Variants in TAOK1 observed in about 807,000 individuals in gnomAD.
TAOK1 encodes TAO kinase 1.
A neutral mutation model predicts 138.3 loss-of-function variants in TAOK1; 21 were observed. The ratio of observed to expected loss-of-function variants is 0.15; its 90% confidence interval spans 0.11 to 0.22. The LOEUF (loss-of-function observed/expected upper bound fraction) is 0.22, where lower values mean the gene tolerates loss of function less well. Ranked by LOEUF, TAOK1 falls within the 10% of genes least tolerant of loss-of-function variation. The pLI is 1.00. For synonymous variants in TAOK1, 361 were observed against 398.4 expected (o/e 0.91, Z 1.12); for missense variants, 651 against 1,227.7 (o/e 0.53, Z 7.02).
At chr17:29,459,655 A>G (rs2153024998) in intron 2 of TAOK1, among the ~76,000 whole-genome samples, 1 of 152,266 alleles carries the variant, frequency 6.6e-6, no homozygotes. Flanking sequence ...CTGTTGGTGG[A>G]CACTTACATT....
At chr17:29,397,607 C>CCCCAA (rs60665025) in intron 1 of TAOK1, among the ~76,000 whole-genome samples, 17,294 of 94,286 alleles carry the variant, frequency 0.18, 2,844 homozygotes, top group East Asian at 0.57. Context: ...CGTCCCCCCC[C>CCCCAA]AAAAAAATAT....
At chr17:29,542,124 G>T (rs1044913509) in intron 19 of TAOK1, among the ~76,000 whole-genome samples, 1 of 152,096 alleles carries the variant, frequency 6.6e-6, no homozygotes, top group African/African-American at 2.4e-5. Context: ...TGATCCGCCC[G>T]CATCAGCCTC....
intron 17 of TAOK1, among the ~76,000 whole-genome samples, chr17:29,528,453 G>T (rs2032047887): frequency 6.6e-6 from 1 of 152,138 alleles, no homozygotes; most frequent in Admixed American, 6.6e-5. Context: ...AAAGACCATT[G>T]TAATAACAAT....
At chr17:29,452,141 A>G (rs1001474762) in intron 2 of TAOK1, among the ~76,000 whole-genome samples, 1 of 152,152 alleles carries the variant, frequency 6.6e-6, no homozygotes, top group Non-Finnish European at 1.5e-5. Context: ...ACCTGAGCCC[A>G]AGAGGCAGAG....
chr17:29,529,171 A>C (rs1427199819), intron 17 of TAOK1, among the ~76,000 whole-genome samples: 1 of 152,106 alleles, frequency 6.6e-6, no homozygotes, highest in East Asian at 1.9e-4. Flanking sequence ...ATGGGGTCTC[A>C]CTATGTTGGC....
intron 19 of TAOK1, among the ~76,000 whole-genome samples, chr17:29,538,485 G>A (rs2032261628): frequency 6.6e-6 from 1 of 152,158 alleles, no homozygotes; most frequent in South Asian, 2.1e-4. Context: ...TACAAGGCAG[G>A]CTGGGGTCAA....
At position 29,543,057 on chromosome 17, in the gene TAOK1, G is replaced by A. The variant is rs1238667236; in HGVS notation, c.*35G>A. On this transcript the variant is annotated 3_prime_UTR_variant, in exon 20 of 20. Transcript: ENST00000261716. ...TGAGAGTGGCAATTCCGCTGGAGCT[G>A]TCTGCCAAAAGAAACTGCCTACAGA... 4 of 1,494,030 alleles carry A rather than the reference G, an allele frequency of 2.7e-6. No individual in the cohort carries two copies. The highest frequency in any genetic ancestry group is 1.4e-5 in the African/African-American group (1 of 71,992). 92.5% of individuals were successfully genotyped at this position (1,494,030 alleles called of 1,614,324 possible).
intron 19 of TAOK1, among the ~76,000 whole-genome samples, chr17:29,536,404 C>A (rs1289182513): frequency 6.6e-6 from 1 of 151,934 alleles, no homozygotes; most frequent in African/African-American, 2.4e-5. Context: ...TCGAAACCAT[C>A]CTGGCTAACA....
rs1256287080 is a variant in TAOK1, at chr17:29,526,673, CAG to C, written c.2149-3731_2149-3730del. On this transcript the variant is annotated intron_variant, in intron 17 of 19. Transcript: ENST00000261716. ...AAGTGATCCACCCACCTCAGCCTCT[CAG>C]AGTCTTGGGATTACAGGCGTGAGCC... Among the ~76,000 whole-genome samples the C allele has an allele frequency of 2.0e-5, 3 of 152,174 alleles. No individual in the cohort carries two copies. The East Asian group carries it at 5.8e-4, about 29-fold the overall frequency.
chr17:29,428,532 C>G (rs572001798), intron 1 of TAOK1, among the ~76,000 whole-genome samples: 109 of 152,216 alleles, frequency 7.2e-4, no homozygotes, highest in African/African-American at 2.5e-3. Flanking sequence ...AAATCTGGCT[C>G]TGTTACTTAG....
intron 1 of TAOK1, among the ~76,000 whole-genome samples, chr17:29,414,110 C>T (rs1905211068): frequency 6.6e-6 from 1 of 151,856 alleles, no homozygotes; most frequent in Non-Finnish European, 1.5e-5. Context: ...GTCTGAATCT[C>T]CTGACCTCGT....
At chr17:29,467,061 A>T (rs2030685851) in intron 2 of TAOK1, 84 bp from the exon 3 acceptor site, 1 of 1,041,668 alleles carries the variant, frequency 9.6e-7, no homozygotes, top group Non-Finnish European at 1.4e-6. Context: ...GTAGTTTACA[A>T]ATGCTTTTAT....
intron 1 of TAOK1, among the ~76,000 whole-genome samples, chr17:29,441,912 C>A (rs1598482629): frequency 6.6e-6 from 1 of 151,800 alleles, no homozygotes; most frequent in African/African-American, 2.4e-5. Context: ...AAAAAAAAAT[C>A]TCTGCTTTCA....
chr17:29,452,759 T>C (rs2030270369), intron 2 of TAOK1, among the ~76,000 whole-genome samples: 1 of 152,248 alleles, frequency 6.6e-6, no homozygotes, highest in Non-Finnish European at 1.5e-5. Context: ...TTCTAGCTTA[T>C]ATTATTTAAC....
At chr17:29,515,022 A>G (rs916748139) in intron 15 of TAOK1, 1 of 138,812 alleles carries the variant, frequency 7.2e-6, no homozygotes, top group African/African-American at 2.6e-5. Flanking sequence ...AAAAAAAAAA[A>G]TTCTAGTTTG....
At chr17:29,447,323 A>G (rs2030109156) in intron 1 of TAOK1, among the ~76,000 whole-genome samples, 1 of 152,062 alleles carries the variant, frequency 6.6e-6, no homozygotes, top group African/African-American at 2.4e-5. Context: ...GTAAGTTTCA[A>G]ACTTTTTAAA....
At chr17:29,420,159 C>T (rs1156590543) in intron 1 of TAOK1, among the ~76,000 whole-genome samples, 5 of 151,992 alleles carry the variant, frequency 3.3e-5, no homozygotes, top group South Asian at 2.1e-4. Context: ...GTCCTCCCTC[C>T]TCAGCCTCCC....
At chr17:29,494,141 A>C (rs2031363051) in intron 10 of TAOK1, among the ~76,000 whole-genome samples, 1 of 152,074 alleles carries the variant, frequency 6.6e-6, no homozygotes, top group Admixed American at 6.6e-5. Flanking sequence ...TCCTGGCCTC[A>C]AGTGATCTGC....
chr17:29,400,876 C>T (rs562619183), intron 1 of TAOK1, among the ~76,000 whole-genome samples: 4 of 145,838 alleles, frequency 2.7e-5, no homozygotes, highest in African/African-American at 1.0e-4. Flanking sequence ...TAAGGGTAAA[C>T]ATTATTATGG....
Sources: gnomAD v4.1 joint callset for allele counts (sites outside exome capture counted in the v4.1 genomes callset) on GRCh38, gnomAD v4.1.1 for gene constraint, MANE v1.5 for transcripts, NCBI Gene and HGNC (gene_info 2026-07-23, HGNC 2026-07-21) for gene names.